The following USP48 variants were observed in gnomAD, a reference collection of about 807,000 sequenced individuals.
The protein encoded by USP48 is ubiquitin carboxyl-terminal hydrolase 48.
Under a neutral mutation model 150.7 loss-of-function variants are expected in USP48, and 43 were observed. The ratio of observed to expected loss-of-function variants is 0.29; its 90% CI spans 0.22 to 0.37. The LOEUF (loss-of-function observed/expected upper bound fraction) is 0.37, where lower values mean the gene tolerates loss of function less well. Among genes scored for constraint, USP48 ranks in the 10% least tolerant of loss-of-function variants. USP48 has a pLI of 1.00. For missense variants in USP48, 813 were observed against 1,249.6 expected (o/e 0.65, Z 5.27); for synonymous variants, 396 against 425.9 (o/e 0.93, Z 0.86).
intron 8 of USP48, among the ~76,000 whole-genome samples, chr1:21,745,707 T>G (rs2097792942): frequency 6.6e-6 from 1 of 152,210 alleles, no homozygotes; most frequent in Admixed American, 6.5e-5. Flanking sequence ...ATAAACTTAG[T>G]AAGTAGTAAT....
At chr1:21,773,917 T>G (rs2097889734) in intron 1 of USP48, among the ~76,000 whole-genome samples, 1 of 151,944 alleles carries the variant, frequency 6.6e-6, no homozygotes, top group East Asian at 1.9e-4. Flanking sequence ...GTGGAAGGAC[T>G]GCTTGAAGCC....
At chr1:21,684,495 T>C (rs982868033) in intron 25 of USP48, among the ~76,000 whole-genome samples, 1 of 152,230 alleles carries the variant, frequency 6.6e-6, no homozygotes, top group Non-Finnish European at 1.5e-5. Context: ...ATTCTACAGG[T>C]TGTCTCTTCA....
rs545517620 is a variant in USP48, at chr1:21,775,373, C to T, written c.134+7451G>A. Among the ~76,000 whole-genome samples the T allele has an allele frequency of 2.4e-4, 36 of 152,220 alleles. No individual in the cohort carries two copies. In the East Asian group the frequency reaches 4.6e-3, roughly 20 times the overall value. On this transcript the variant is annotated intron_variant, in intron 1 of 26. Coordinates refer to ENST00000308271, the MANE Select transcript of USP48 (RefSeq NM_032236.8). ...ACCTCCTGGGTTCAAGCAATTCTCGCGCCTCAGCCTCCTGAGTAGCTGGAA... is the reference window on the plus strand; with the variant it reads ...ACCTCCTGGGTTCAAGCAATTCTCGTGCCTCAGCCTCCTGAGTAGCTGGAA...
At chr1:21,682,954 C>T (rs187979981) in intron 25 of USP48, among the ~76,000 whole-genome samples, 1 of 151,728 alleles carries the variant, frequency 6.6e-6, no homozygotes, top group Admixed American at 6.6e-5. Flanking sequence ...GGGACATGAA[C>T]CAGCTTTAAA....
At position 21,704,343 on chromosome 1, in the gene USP48, C is replaced by A; in HGVS notation, c.2434G>T (p.Val812Phe). Residue 812 changes from valine (V) to phenylalanine (F), a missense_variant, in exon 20 of 27, where the codon GTT becomes TTT. Val to Phe is a conservative substitution (Grantham distance 50, BLOSUM62 -1). Transcript: ENST00000308271. The stretch of plus-strand genomic sequence containing the variant: ...GTGATTTTAATTACATGATCCACAA[C>A]AAAGAGCTTTTGTATCATTTGCCAC... Reference protein sequence around the residue: ...SEWQMIQKLFVVDHVIKITRI... With the variant: ...SEWQMIQKLFFVDHVIKITRI... 6.2e-7 allele frequency: 1 copy of A among 1,613,640 alleles called. No individual in the cohort carries two copies. The highest frequency in any genetic ancestry group is 8.5e-7 in the Non-Finnish European group (1 of 1,179,922).
In USP48 at chr1:21,680,847, A is replaced by C; in HGVS notation, c.3059-13T>G. The C allele has an allele frequency of 6.3e-7, 1 of 1,581,856 alleles. No individual in the cohort carries two copies. The highest frequency in any genetic ancestry group is 8.6e-7 in the Non-Finnish European group (1 of 1,166,146). Reference sequence around the variant, plus strand: ...TCTGGCATACAAACTGAAAAAAAGAAAAAAAGAAGAATTCCAAATTGAAAA... The same window carrying C: ...TCTGGCATACAAACTGAAAAAAAGACAAAAAGAAGAATTCCAAATTGAAAA... On this transcript the variant is annotated splice_polypyrimidine_tract_variant and intron_variant, in intron 25 of 26. Transcript: ENST00000308271.
At position 21,706,183 on chromosome 1, in the gene USP48, G is replaced by A. The variant is rs550144846; in HGVS notation, c.2216C>T (p.Thr739Met). Residue 739 changes from threonine (T) to methionine (M), a missense_variant, in exon 18 of 27, where the codon ACG becomes ATG. Transcript: ENST00000308271. ...CTGAGACACGATGTAGAGGACATCC[G>A]TATCCTAGAACACAAAAATCACAAA... is the stretch of plus-strand genomic sequence containing the variant. The part of the protein sequence containing the change: ...RPCLSNWPED[T>M]DVLYIVSQFF... 7.7e-5 allele frequency: 125 copies of A among 1,613,204 alleles called. No homozygotes were observed. Among genetic ancestry groups the A allele is most frequent in the Non-Finnish European group, 9.9e-5 (117 of 1,179,712 alleles).
chr1:21,753,968 C>G (rs2097824534), intron 3 of USP48, among the ~76,000 whole-genome samples: 1 of 151,966 alleles, frequency 6.6e-6, no homozygotes, highest in Non-Finnish European at 1.5e-5. Flanking sequence ...CCAGACCAGC[C>G]TGGCCAACAT....
At chr1:21,701,421 C>T (rs143779607) in intron 22 of USP48, 77 bp downstream of exon 22, 2 of 1,191,774 alleles carry the variant, frequency 1.7e-6, no homozygotes, top group African/African-American at 3.0e-5. Context: ...GGTACAGAGA[C>T]ATGGCCAGGG....
rs138273973 is a variant in USP48 at position 21,780,183 on chromosome 1, T to C, written c.134+2641A>G. ...ATGTCCCTCAACTGATGAATAGATA[T>C]ATAAAATGTGGTATTATCCATAAAA... On this transcript the variant is annotated intron_variant, in intron 1 of 26. Coordinates refer to ENST00000308271, the MANE Select transcript of USP48 (RefSeq NM_032236.8). Among the ~76,000 whole-genome samples the C allele has an allele frequency of 6.3e-3, 952 of 152,272 alleles. 8 individuals are homozygous for C. Among genetic ancestry groups the C allele is most frequent in the Middle Eastern group, 0.014 (4 of 294 alleles).
rs774329447 is a variant in USP48, at chr1:21,721,163, G to A, written c.1767C>T (p.Ser589=). The A allele has an allele frequency of 1.2e-5, 19 of 1,614,006 alleles. No homozygotes were observed. The highest frequency in any genetic ancestry group is 5.5e-5 in the South Asian group (5 of 91,078). ...NNLLKAAVKG[S]DGFWVGKSSL... Reference sequence around the variant, plus strand: ...AGGACTTCCCCACCCAAAATCCATCGCTGCTGTGGAACAGAGAGAATGTTA... The same window carrying A: ...AGGACTTCCCCACCCAAAATCCATCACTGCTGTGGAACAGAGAGAATGTTA... Residue 589 remains serine, a synonymous_variant, in exon 14 of 27, where the codon AGC becomes AGT. Coordinates refer to ENST00000308271, the MANE Select transcript of USP48 (RefSeq NM_032236.8).
At chr1:21,768,051 TA>T (rs1189211195) in intron 1 of USP48, among the ~76,000 whole-genome samples, 1 of 151,710 alleles carries the variant, frequency 6.6e-6, no homozygotes, top group Non-Finnish European at 1.5e-5. Flanking sequence ...ACTAAAAATA[TA>T]AAAAAGTAGC....
intron 11 of USP48, among the ~76,000 whole-genome samples, chr1:21,725,684 C>T (rs905606076): frequency 3.3e-5 from 5 of 150,618 alleles, no homozygotes; most frequent in Admixed American, 2.7e-4. Context: ...ACCCGGGACG[C>T]GGAGGTTGTG....
intron 5 of USP48, among the ~76,000 whole-genome samples, chr1:21,752,184 T>C (rs1017493952): frequency 1.3e-5 from 2 of 152,174 alleles, no homozygotes; most frequent in African/African-American, 4.8e-5. Context: ...ATCACCCAAA[T>C]GTTGTATATT....
chr1:21,761,847 G>T (rs74854858), intron 1 of USP48, among the ~76,000 whole-genome samples: 2,137 of 152,328 alleles, frequency 0.014, 52 homozygotes, highest in African/African-American at 0.048. Flanking sequence ...ATCAAAGCTA[G>T]GAGGGAAAAA....
At chr1:21,762,769 G>A (rs2097852967) in intron 1 of USP48, among the ~76,000 whole-genome samples, 2 of 151,526 alleles carry the variant, frequency 1.3e-5, no homozygotes, top group African/African-American at 4.9e-5. Flanking sequence ...AGGAGGCTGA[G>A]GCAGGAGAAT....
intron 6 of USP48, among the ~76,000 whole-genome samples, 162 bp downstream of exon 6, chr1:21,751,345 T>C (rs2097812781): frequency 1.3e-5 from 2 of 152,180 alleles, no homozygotes; most frequent in Admixed American, 1.3e-4. Context: ...ACAGGCTGCT[T>C]TGGTACTTCA....
At chr1:21,736,247 G>C (rs2097768721) in intron 9 of USP48, among the ~76,000 whole-genome samples, 199 bp downstream of exon 9, 1 of 152,142 alleles carries the variant, frequency 6.6e-6, no homozygotes, top group Non-Finnish European at 1.5e-5. Context: ...ATTCCAGCCT[G>C]GGCAAGAGAG....
chr1:21,737,628 T>C (rs778635474), intron 8 of USP48, among the ~76,000 whole-genome samples: 4 of 152,232 alleles, frequency 2.6e-5, no homozygotes, highest in Non-Finnish European at 5.9e-5. Context: ...CCACTATACA[T>C]GTTCTGTTAT....
Sources: gnomAD v4.1 joint callset for allele counts (sites outside exome capture counted in the v4.1 genomes callset) on GRCh38, gnomAD v4.1.1 for gene constraint, MANE v1.5 for transcripts, NCBI Gene and HGNC (gene_info 2026-07-23, HGNC 2026-07-21) for gene names.